Variants in AMPH observed in about 807,000 individuals in gnomAD.
AMPH encodes the protein amphiphysin, also known as amphiphysin (Stiff-Mann syndrome with breast cancer 128kD autoantigen).
A neutral mutation model predicts 99.1 loss-of-function variants in AMPH; 49 were observed. The ratio of observed to expected loss-of-function variants is 0.49; its 90% CI spans 0.39 to 0.63. AMPH has a LOEUF of 0.63. Among genes scored for constraint, AMPH ranks in the 20% least tolerant of loss-of-function variants. AMPH has a pLI of 0.00. For synonymous variants in AMPH, 314 were observed against 317.3 expected (o/e 0.99, Z 0.11); for missense variants, 759 against 863.4 (o/e 0.88, Z 1.52).
At chr7:38,555,406 A>G (rs1317727441) in intron 1 of AMPH, among the ~76,000 whole-genome samples, 1 of 152,132 alleles carries the variant, frequency 6.6e-6, no homozygotes, top group Non-Finnish European at 1.5e-5. Context: ...CCCTGTCTTT[A>G]AAAATAATAA....
chr7:38,561,724 G>C (rs2129049046), intron 1 of AMPH, among the ~76,000 whole-genome samples: 1 of 152,198 alleles, frequency 6.6e-6, no homozygotes, highest in South Asian at 2.1e-4. Context: ...GGGGCCTCTG[G>C]GAGGCAAATA....
chr7:38,536,151 A>T (rs1205025801), intron 1 of AMPH, among the ~76,000 whole-genome samples: 3 of 152,200 alleles, frequency 2.0e-5, no homozygotes, highest in African/African-American at 7.2e-5. Flanking sequence ...CAGGTCCACA[A>T]ATAACAAATC....
chr7:38,526,433 C>CTTT (rs33974810), intron 2 of AMPH, among the ~76,000 whole-genome samples: 2,538 of 72,512 alleles, frequency 0.035, 388 homozygotes, highest in Admixed American at 0.061. Context: ...CCATGCCCGG[C>CTTT]TTTTTTTTTT....
rs10556315 is a variant in AMPH at position 38,432,587 on chromosome 7, TACACACAC to T, written c.1135-383_1135-376del. On this transcript the variant is annotated intron_variant, in intron 12 of 20. Coordinates refer to ENST00000356264, the MANE Select transcript of AMPH (RefSeq NM_001635.4). ...TGAAACACAAATGAGGTTATTTTAA[TACACACAC>T]ACACACACACACACACACACACACA... 7.7e-3 allele frequency among the ~76,000 whole-genome samples: 1,143 copies of T among 148,164 alleles called. 14 individuals carry two copies. Among genetic ancestry groups the T allele is most frequent in the African/African-American group, 0.023 (913 of 40,250 alleles).
chr7:38,401,788 G>A (rs867778636), intron 17 of AMPH, among the ~76,000 whole-genome samples: 32 of 152,088 alleles, frequency 2.1e-4, no homozygotes, highest in Middle Eastern at 6.8e-3. Context: ...TCCCCATTAA[G>A]TTTGCTTTTT....
intron 16 of AMPH, among the ~76,000 whole-genome samples, chr7:38,419,897 A>C (rs1437113781): frequency 6.6e-6 from 1 of 152,220 alleles, no homozygotes; most frequent in Non-Finnish European, 1.5e-5. Context: ...AAATGCAAAA[A>C]ATATTTGCAC....
chr7:38,549,191 C>A (rs1045490559), intron 1 of AMPH, among the ~76,000 whole-genome samples: 82 of 152,178 alleles, frequency 5.4e-4, no homozygotes, highest in African/African-American at 1.9e-3. Context: ...ATCAAAAGGG[C>A]AGAAGTTGTT....
rs145534853 is a variant in AMPH, at chr7:38,411,832, A to G, written c.1398+5993T>C. 1.8e-3 allele frequency among the ~76,000 whole-genome samples: 274 copies of G among 152,298 alleles called. 1 individual carries two copies. The highest frequency in any genetic ancestry group is 6.4e-3 in the African/African-American group (267 of 41,556). ...GTGTTGATGACCAGGAATGGTTTCA[A>G]TGAGGGATTATGAATTGGGCCCAAT... On this transcript the variant is annotated intron_variant, in intron 17 of 20. Transcript: ENST00000356264.
At chr7:38,530,723 T>G (rs1030486589) in intron 2 of AMPH, among the ~76,000 whole-genome samples, 3 of 152,210 alleles carry the variant, frequency 2.0e-5, no homozygotes. Context: ...TTCTGCTCAT[T>G]AACAGATCTG....
chr7:38,448,543 T>C (rs1168275553), intron 11 of AMPH, among the ~76,000 whole-genome samples: 1 of 152,210 alleles, frequency 6.6e-6, no homozygotes, highest in African/African-American at 2.4e-5. Context: ...GATAACAATA[T>C]ACTGTAATAA....
At chr7:38,475,541 T>C (rs1788047523) in intron 6 of AMPH, 125 bp from the exon 7 acceptor site, 3 of 640,538 alleles carry the variant, frequency 4.7e-6, no homozygotes, top group Non-Finnish European at 7.9e-6. Context: ...GGAGAGTATT[T>C]GGTTAAAAGC....
chr7:38,531,738 G>T (rs1180648985), intron 2 of AMPH, among the ~76,000 whole-genome samples: 1 of 151,826 alleles, frequency 6.6e-6, no homozygotes, highest in Non-Finnish European at 1.5e-5. Context: ...TGTGGTCAGG[G>T]GACTATAATA....
intron 17 of AMPH, among the ~76,000 whole-genome samples, chr7:38,412,982 A>T (rs1041623444): frequency 6.6e-6 from 1 of 152,192 alleles, no homozygotes; most frequent in African/African-American, 2.4e-5. Flanking sequence ...GACTGGGTCC[A>T]TTGCCATTTC....
chr7:38,508,694 T>G (rs1204260324), intron 2 of AMPH, among the ~76,000 whole-genome samples: 2 of 152,132 alleles, frequency 1.3e-5, no homozygotes, highest in Non-Finnish European at 2.9e-5. Flanking sequence ...ATTCCCAGAG[T>G]TACATTATTA....
intron 7 of AMPH, among the ~76,000 whole-genome samples, chr7:38,469,395 G>A (rs1220877229): frequency 1.3e-5 from 2 of 152,050 alleles, no homozygotes; most frequent in Non-Finnish European, 2.9e-5. Context: ...AAATTAAGTT[G>A]AGCTTATCAC....
intron 1 of AMPH, among the ~76,000 whole-genome samples, chr7:38,629,982 C>G (rs996486163): frequency 1.3e-5 from 2 of 152,104 alleles, no homozygotes; most frequent in East Asian, 1.9e-4. Context: ...GAGGCAGCCA[C>G]CAAGCCTCTG....
intron 1 of AMPH, among the ~76,000 whole-genome samples, chr7:38,594,130 A>G (rs1312245472): frequency 6.6e-6 from 1 of 152,082 alleles, no homozygotes; most frequent in Non-Finnish European, 1.5e-5. Flanking sequence ...TAATCAGGTA[A>G]GAGATGATGG....
chr7:38,550,430 T>G (rs1483804501), intron 1 of AMPH, among the ~76,000 whole-genome samples: 1 of 152,238 alleles, frequency 6.6e-6, no homozygotes, highest in African/African-American at 2.4e-5. Context: ...TTGATGTTGA[T>G]GCAGACAAAG....
At position 38,629,646 on chromosome 7, in the gene AMPH, G is replaced by T. The variant is rs143806681; in HGVS notation, c.69+1637C>A. Reference sequence around the variant, plus strand: ...GACCATATCACTAAATTCCTTCACAGATGGAAAGTGGATTCAGTGAAAAGC... The same window carrying T: ...GACCATATCACTAAATTCCTTCACATATGGAAAGTGGATTCAGTGAAAAGC... On this transcript the variant is annotated intron_variant, in intron 1 of 20. Coordinates refer to ENST00000356264, the MANE Select transcript of AMPH (RefSeq NM_001635.4). Among the ~76,000 whole-genome samples, 3 of 152,348 alleles carry T rather than the reference G, an allele frequency of 2.0e-5. No homozygotes were observed. The East Asian group carries it at 5.8e-4, about 29-fold the overall frequency.
Sources: allele counts gnomAD v4.1 joint callset (sites outside exome capture counted in the v4.1 genomes callset), GRCh38; gene constraint gnomAD v4.1.1; transcripts MANE v1.5; gene names NCBI Gene and HGNC (gene_info 2026-07-23, HGNC 2026-07-21).